Variants in CALN1 observed in about 807,000 individuals in gnomAD.
CALN1 encodes the protein calcium-binding protein 8.
Under a neutral mutation model 30.6 loss-of-function variants are expected in CALN1, and 17 were observed. The ratio of observed to expected loss-of-function variants is 0.56; its 90% CI spans 0.38 to 0.83. The LOEUF is 0.83. Among genes scored for constraint, CALN1 ranks in the 40% least tolerant of loss-of-function variants. The probability of loss-of-function intolerance (pLI) is 0.00; values close to 1 mark genes in which losing one functional copy is unlikely to be tolerated. For missense variants in CALN1, 291 were observed against 354.9 expected, an observed-to-expected ratio of 0.82 and a Z score of 1.45; for synonymous variants, 156 against 131.4, an observed-to-expected ratio of 1.19 and a Z score of -1.28.
chr7:71,891,834 C>T (rs1793257516), intron 5 of CALN1, among the ~76,000 whole-genome samples: 2 of 152,062 alleles, frequency 1.3e-5, no homozygotes, highest in South Asian at 2.1e-4. Flanking sequence ...ATCCCAGCTA[C>T]TCTGGAGTCT....
intron 5 of CALN1, among the ~76,000 whole-genome samples, chr7:71,932,815 CAAAAAAA>C (rs5884864): frequency 1.2e-5 from 1 of 82,704 alleles, no homozygotes; most frequent in African/African-American, 4.6e-5. Context: ...TACTCCATCT[CAAAAAAA>C]AAAAAAAAAA....
At chr7:72,279,085 A>G (rs1562831408) in intron 2 of CALN1, among the ~76,000 whole-genome samples, 1 of 152,112 alleles carries the variant, frequency 6.6e-6, no homozygotes, top group African/African-American at 2.4e-5. Flanking sequence ...TAATCATGGC[A>G]CACCACATCA....
chr7:72,500,619 A>G, the CALN1 span, among the ~76,000 whole-genome samples: 1 of 151,784 alleles, frequency 6.6e-6, no homozygotes, highest in Admixed American at 6.6e-5. Context: ...CGCTGTTTAT[A>G]TAACCTGTCC....
intron 5 of CALN1, among the ~76,000 whole-genome samples, chr7:72,003,994 C>T (rs1486903784): frequency 1.3e-5 from 2 of 152,268 alleles, no homozygotes; most frequent in Non-Finnish European, 1.5e-5. Context: ...CAATTCTTAT[C>T]AATATCCTGG....
At chr7:72,212,330 A>G (rs77370782) in intron 3 of CALN1, among the ~76,000 whole-genome samples, 24,225 of 146,776 alleles carry the variant, frequency 0.17, 2,119 homozygotes, top group South Asian at 0.21. Flanking sequence ...AGCCTGGGCA[A>G]CAGAGCAACA....
rs763607879 is a variant in CALN1, at chr7:72,106,239, C to T, written c.300G>A (p.Lys100=). 1.9e-6 allele frequency: 3 copies of T among 1,614,094 alleles called. No homozygotes were observed. Among genetic ancestry groups the T allele is most frequent in the East Asian group, 2.2e-5 (1 of 44,830 alleles). ...AGCGCATGGCCATGCCCAGCTCCTG[C>T]TTGGAGATGAAGCCGTTCCCATCCC... The part of the protein sequence containing the change: ...LDRDGNGFIS[K]QELGMAMRSL... The change falls in exon 4 of 7, where the codon AAG becomes AAA. Residue 100 remains lysine (K), a synonymous_variant. Coordinates refer to ENST00000395275, the MANE Select transcript of CALN1 (RefSeq NM_031468.4).
chr7:72,037,306 A>G (rs1801859952), intron 4 of CALN1, among the ~76,000 whole-genome samples: 1 of 152,020 alleles, frequency 6.6e-6, no homozygotes, highest in Non-Finnish European at 1.5e-5. Flanking sequence ...GCCTGCTACC[A>G]CCGCAGCTAA....
chr7:71,928,724 T>C (rs2129519965), intron 5 of CALN1, among the ~76,000 whole-genome samples: 1 of 152,160 alleles, frequency 6.6e-6, no homozygotes, highest in South Asian at 2.1e-4. Flanking sequence ...TAGAACACTT[T>C]TATCGCCGCA....
intron 5 of CALN1, among the ~76,000 whole-genome samples, chr7:71,954,050 A>C (rs1796835438): frequency 6.6e-6 from 1 of 152,218 alleles, no homozygotes; most frequent in African/African-American, 2.4e-5. Context: ...AAGGCTGGGC[A>C]CAGTGGCCCA....
intron 2 of CALN1, among the ~76,000 whole-genome samples, chr7:72,340,482 T>G (rs1311243610): frequency 6.6e-6 from 1 of 152,214 alleles, no homozygotes. Flanking sequence ...AAAAATCCTT[T>G]CCTGTAAGCC....
intron 2 of CALN1, among the ~76,000 whole-genome samples, chr7:72,347,309 G>A (rs974653582): frequency 5.3e-5 from 8 of 150,426 alleles, no homozygotes; most frequent in Non-Finnish European, 1.0e-4. Context: ...GTGCAATGCC[G>A]TGATCTCAGC....
At chr7:72,036,260 G>A (rs952033858) in intron 4 of CALN1, among the ~76,000 whole-genome samples, 3 of 152,090 alleles carry the variant, frequency 2.0e-5, no homozygotes, top group African/African-American at 4.8e-5. Context: ...TCTCTCTTAC[G>A]GCTACAAAGA....
At chr7:72,157,176 C>CATTCA (rs1200237569) in intron 3 of CALN1, among the ~76,000 whole-genome samples, 56 of 152,348 alleles carry the variant, frequency 3.7e-4, no homozygotes, top group Middle Eastern at 3.4e-3. Flanking sequence ...CTCATTCATT[C>CATTCA]ATTCATTCAC....
chr7:72,425,523 T>A, intron 1 of CALN1, among the ~76,000 whole-genome samples: 1 of 152,224 alleles, frequency 6.6e-6, no homozygotes, highest in Non-Finnish European at 1.5e-5. Context: ...ACAGCTTCAG[T>A]CCATCCACGA....
intron 4 of CALN1, among the ~76,000 whole-genome samples, chr7:72,098,324 G>A (rs983976921): frequency 2.6e-5 from 4 of 152,174 alleles, no homozygotes; most frequent in Non-Finnish European, 5.9e-5. Context: ...CTGAGTTAAA[G>A]TTCCAAGAAA....
chr7:72,240,599 C>G (rs1325947857), intron 3 of CALN1, among the ~76,000 whole-genome samples: 1 of 152,174 alleles, frequency 6.6e-6, no homozygotes, highest in African/African-American at 2.4e-5. Context: ...ATCAACTGCT[C>G]CACATGATTT....
chr7:71,995,589 A>G (rs1562963884), intron 5 of CALN1, among the ~76,000 whole-genome samples: 1 of 152,030 alleles, frequency 6.6e-6, no homozygotes, highest in Non-Finnish European at 1.5e-5. Flanking sequence ...TGGGTGAATC[A>G]CCTGAGGTCA....
chr7:71,885,394 C>T (rs982749081), intron 5 of CALN1, among the ~76,000 whole-genome samples: 5 of 152,160 alleles, frequency 3.3e-5, no homozygotes, highest in African/African-American at 4.8e-5. Context: ...TATCGTGATC[C>T]GCCCACCTCG....
chr7:72,197,177 GCTTTTTTT>G (rs1791078597), intron 3 of CALN1, among the ~76,000 whole-genome samples: 1 of 81,132 alleles, frequency 1.2e-5, no homozygotes, highest in Non-Finnish European at 2.3e-5. Flanking sequence ...TGGAAGGTTT[GCTTTTTTT>G]TTTTTTTTTT....
Sources: allele counts gnomAD v4.1 joint callset (sites outside exome capture counted in the v4.1 genomes callset), GRCh38; gene constraint gnomAD v4.1.1; transcripts MANE v1.5; gene names NCBI Gene and HGNC (gene_info 2026-07-23, HGNC 2026-07-21).